PLEKHA7: variants seen among roughly 807,000 people sequenced by gnomAD.
PLEKHA7 encodes pleckstrin homology domain containing A7.
A neutral mutation model predicts 170.0 loss-of-function variants in PLEKHA7; 104 were observed. That is an observed-to-expected ratio of 0.61 (90% confidence interval 0.52 to 0.72). PLEKHA7 has a LOEUF of 0.72. PLEKHA7 is among the 30% of genes least tolerant of loss of function. PLEKHA7 has a pLI of 0.00. For synonymous variants in PLEKHA7, 648 were observed against 660.8 expected, an observed-to-expected ratio of 0.98 and a Z score of 0.30; for missense variants, 1,615 against 1,671.7, an observed-to-expected ratio of 0.97 and a Z score of 0.59.
chr11:16,863,579 A>T (rs1854147613), intron 4 of PLEKHA7, among the ~76,000 whole-genome samples: 3 of 152,158 alleles, frequency 2.0e-5, no homozygotes, highest in Admixed American at 6.5e-5. Flanking sequence ...GAGCCTGGGG[A>T]TCGGTGTACA....
chr11:16,818,677 T>C (rs1455399232), intron 10 of PLEKHA7, among the ~76,000 whole-genome samples: 1 of 152,260 alleles, frequency 6.6e-6, no homozygotes, highest in Non-Finnish European at 1.5e-5. Context: ...CACCGTGGTA[T>C]TGTCCACAGT....
At chr11:16,785,142 A>G (rs1849310855) in intron 24 of PLEKHA7, among the ~76,000 whole-genome samples, 1 of 152,118 alleles carries the variant, frequency 6.6e-6, no homozygotes, top group Non-Finnish European at 1.5e-5. Flanking sequence ...GGAACCCCTA[A>G]CATACTGAGT....
At chr11:16,994,506 G>A (rs921753610) in intron 3 of PLEKHA7, among the ~76,000 whole-genome samples, 2 of 152,068 alleles carry the variant, frequency 1.3e-5, no homozygotes, top group Non-Finnish European at 2.9e-5. Context: ...CCACCCCTGC[G>A]GACATAGGTG....
intron 3 of PLEKHA7, among the ~76,000 whole-genome samples, chr11:16,976,042 T>G (rs1863041629): frequency 6.6e-6 from 1 of 152,218 alleles, no homozygotes; most frequent in African/African-American, 2.4e-5. Flanking sequence ...CTGGCCCCTT[T>G]TGGCTCAGCC....
intron 3 of PLEKHA7, among the ~76,000 whole-genome samples, chr11:16,979,748 CAG>C (rs1009370384): frequency 6.6e-6 from 1 of 152,078 alleles, no homozygotes; most frequent in African/African-American, 2.4e-5. Flanking sequence ...CCTTCTTTCA[CAG>C]AGATTGGTTT....
intron 24 of PLEKHA7, 103 bp from the exon 25 acceptor site, chr11:16,783,936 G>C: frequency 8.4e-7 from 1 of 1,192,370 alleles, no homozygotes; most frequent in Non-Finnish European, 1.1e-6. Flanking sequence ...AGCAAGCAGA[G>C]TCCACAGAGA....
intron 3 of PLEKHA7, among the ~76,000 whole-genome samples, chr11:16,961,533 C>T (rs1382375379): frequency 6.6e-6 from 1 of 152,234 alleles, no homozygotes; most frequent in African/African-American, 2.4e-5. Flanking sequence ...CCCTCCAACC[C>T]TGCACCCACC....
At chr11:16,873,291 GC>G (rs1227473501) in intron 3 of PLEKHA7, among the ~76,000 whole-genome samples, 3 of 152,152 alleles carry the variant, frequency 2.0e-5, no homozygotes, top group African/African-American at 7.2e-5. Flanking sequence ...CTGCCCTAAT[GC>G]CTGGTCAGAA....
intron 3 of PLEKHA7, among the ~76,000 whole-genome samples, chr11:16,950,626 A>G (rs545766662): frequency 6.6e-6 from 1 of 152,018 alleles, no homozygotes; most frequent in East Asian, 1.9e-4. Flanking sequence ...TCTGCTCGCC[A>G]TTGTGGCCCC....
chr11:16,902,733 C>G (rs1255286574), intron 3 of PLEKHA7, among the ~76,000 whole-genome samples: 2 of 152,208 alleles, frequency 1.3e-5, no homozygotes, highest in South Asian at 4.1e-4. Flanking sequence ...TTATCCTAGG[C>G]AAGTCATTTA....
Position 16,803,220 on chromosome 11 carries a change from C to T in PLEKHA7, c.2076+7G>A. 11 of 1,612,652 alleles carry T rather than the reference C, an allele frequency of 6.8e-6. No homozygotes were observed. The highest frequency in any genetic ancestry group is 9.3e-6 in the Non-Finnish European group (11 of 1,178,610). On this transcript the variant is annotated splice_region_variant and intron_variant, in intron 14 of 26. Transcript: ENST00000531066. ...TGAGGGGTCAGCGTGTCACTCTGCT[C>T]ACTCACGTCAGTGTCGCTCTCAGCG...
intron 3 of PLEKHA7, among the ~76,000 whole-genome samples, chr11:16,985,612 C>A (rs535962141): frequency 1.3e-5 from 2 of 152,208 alleles, no homozygotes; most frequent in Admixed American, 6.5e-5. Context: ...CTTATCCATC[C>A]GTTCATTCCG....
At chr11:16,902,535 C>T (rs912073336) in intron 3 of PLEKHA7, among the ~76,000 whole-genome samples, 2 of 152,140 alleles carry the variant, frequency 1.3e-5, no homozygotes, top group African/African-American at 4.8e-5. Flanking sequence ...TATAAACATC[C>T]TAGGGTGTGT....
intron 3 of PLEKHA7, among the ~76,000 whole-genome samples, chr11:16,966,947 G>A (rs556441319): frequency 5.6e-4 from 85 of 152,128 alleles, no homozygotes; most frequent in Non-Finnish European, 9.8e-4. Flanking sequence ...ATGAAGTGGC[G>A]AAATGGTTCA....
intron 3 of PLEKHA7, among the ~76,000 whole-genome samples, chr11:16,894,823 A>AAG (rs1234405531): frequency 6.6e-6 from 1 of 152,148 alleles, no homozygotes; most frequent in Admixed American, 6.5e-5. Flanking sequence ...CACAAGGTAA[A>AAG]AGAGAGAGAT....
intron 3 of PLEKHA7, among the ~76,000 whole-genome samples, chr11:16,891,680 TA>T (rs1216276620): frequency 6.6e-6 from 1 of 152,042 alleles, no homozygotes; most frequent in Non-Finnish European, 1.5e-5. Flanking sequence ...AACAAGGGGG[TA>T]AAATGTTATT....
chr11:16,805,111 C>A (rs776501117), intron 13 of PLEKHA7, among the ~76,000 whole-genome samples: 20 of 152,212 alleles, frequency 1.3e-4, no homozygotes, highest in Non-Finnish European at 2.5e-4. Context: ...ACCTTTGGGG[C>A]TCATTTTCTA....
At chr11:16,835,240 C>T (rs1327960321) in intron 9 of PLEKHA7, among the ~76,000 whole-genome samples, 1 of 152,198 alleles carries the variant, frequency 6.6e-6, no homozygotes, top group Non-Finnish European at 1.5e-5. Flanking sequence ...CACCGCACTC[C>T]AGCCTGGGTG....
chr11:16,924,098 C>T (rs1037509122), intron 3 of PLEKHA7, among the ~76,000 whole-genome samples: 6 of 152,076 alleles, frequency 3.9e-5, no homozygotes, highest in South Asian at 2.1e-4. Flanking sequence ...TCCACTCCCA[C>T]TCATTAGGGC....
Sources: allele counts gnomAD v4.1 joint callset (sites outside exome capture counted in the v4.1 genomes callset), GRCh38; gene constraint gnomAD v4.1.1; transcripts MANE v1.5; gene names NCBI Gene and HGNC (gene_info 2026-07-23, HGNC 2026-07-21).